Variants in LRP1B observed in about 807,000 individuals in gnomAD.
LRP1B encodes the protein LDL receptor related protein 1B, also known as low-density lipoprotein receptor-related protein 1B.
LRP1B carries 217 observed loss-of-function variants against 556.6 expected under a neutral mutation model. That is an observed-to-expected ratio of 0.39 (90% confidence interval 0.35 to 0.44). LRP1B has a LOEUF of 0.44. Ranked by LOEUF, LRP1B falls within the 20% of genes least tolerant of loss-of-function variation. LRP1B has a pLI of 1.00. For missense variants in LRP1B, 5,053 were observed against 5,620.8 expected, an observed-to-expected ratio of 0.90 and a Z score of 3.23; for synonymous variants, 2,047 against 1,865.8, an observed-to-expected ratio of 1.10 and a Z score of -2.50.
intron 3 of LRP1B, among the ~76,000 whole-genome samples, chr2:141,330,092 G>A (rs190045263): frequency 6.6e-6 from 1 of 152,130 alleles, no homozygotes; most frequent in East Asian, 1.9e-4. Context: ...TCAGGGTTGT[G>A]GGCATTATTA....
At chr2:140,849,631 C>T (rs2105116026) in intron 29 of LRP1B, among the ~76,000 whole-genome samples, 1 of 152,058 alleles carries the variant, frequency 6.6e-6, no homozygotes, top group Non-Finnish European at 1.5e-5. Flanking sequence ...CCTCCGCCTG[C>T]CAGGTTCAAG....
At chr2:141,790,903 T>C (rs995857750) in intron 2 of LRP1B, among the ~76,000 whole-genome samples, 2 of 151,994 alleles carry the variant, frequency 1.3e-5, no homozygotes, top group African/African-American at 4.8e-5. Flanking sequence ...GATTTAAGGC[T>C]ACTAATGTTA....
At chr2:140,798,243 T>G (rs1690385480) in intron 32 of LRP1B, among the ~76,000 whole-genome samples, 1 of 152,072 alleles carries the variant, frequency 6.6e-6, no homozygotes, top group South Asian at 2.1e-4. Context: ...GATAAATTGT[T>G]GAATCAGTAA....
chr2:142,065,560 A>G (rs1559051413), intron 1 of LRP1B, among the ~76,000 whole-genome samples: 1 of 151,392 alleles, frequency 6.6e-6, no homozygotes, highest in South Asian at 2.1e-4. Flanking sequence ...TTATTTTAAG[A>G]TCAGCTAATT....
chr2:140,965,787 G>A (rs892278218), intron 18 of LRP1B, among the ~76,000 whole-genome samples: 1 of 136,898 alleles, frequency 7.3e-6, no homozygotes, highest in Admixed American at 8.4e-5. Flanking sequence ...ATTCCCACCT[G>A]AGTGAGAACA....
chr2:141,794,191 C>A (rs1432521155), intron 2 of LRP1B, among the ~76,000 whole-genome samples: 1 of 151,852 alleles, frequency 6.6e-6, no homozygotes, highest in African/African-American at 2.4e-5. Flanking sequence ...TGGGTTTTGA[C>A]TTTGATAGAA....
intron 3 of LRP1B, among the ~76,000 whole-genome samples, chr2:141,378,710 G>T (rs1304833176): frequency 1.3e-5 from 2 of 152,142 alleles, no homozygotes; most frequent in Non-Finnish European, 2.9e-5. Flanking sequence ...TCATTATTTT[G>T]AATAGCAGAT....
intron 61 of LRP1B, among the ~76,000 whole-genome samples, chr2:140,457,122 T>C (rs925331910): frequency 1.3e-5 from 2 of 152,194 alleles, no homozygotes; most frequent in Non-Finnish European, 2.9e-5. Flanking sequence ...TTAAGCATAA[T>C]TCCTCCTACT....
At chr2:140,950,177 A>C in intron 20 of LRP1B, 58 bp downstream of exon 20, 1 of 1,233,318 alleles carries the variant, frequency 8.1e-7, no homozygotes, top group Non-Finnish European at 1.1e-6. Context: ...TAATACCCTA[A>C]GTATTATTAT....
chr2:140,735,167 T>C (rs993600041), intron 35 of LRP1B, among the ~76,000 whole-genome samples: 3 of 152,108 alleles, frequency 2.0e-5, no homozygotes, highest in African/African-American at 7.2e-5. Context: ...GGTTGGGCCA[T>C]CCACACGATG....
chr2:142,110,473 A>G (rs929314990), intron 1 of LRP1B, among the ~76,000 whole-genome samples: 1 of 152,138 alleles, frequency 6.6e-6, no homozygotes, highest in African/African-American at 2.4e-5. Context: ...GAGAGCAGTC[A>G]TGATTTGAGG....
chr2:140,903,279 T>C (rs1694155961), intron 22 of LRP1B, 114 bp from the exon 23 acceptor site: 17 of 1,229,448 alleles, frequency 1.4e-5, no homozygotes, highest in Non-Finnish European at 1.9e-5. Flanking sequence ...TACAAATGAA[T>C]ATAAGAAAGC....
chr2:141,641,662 T>G (rs1370218420), intron 2 of LRP1B, among the ~76,000 whole-genome samples: 1 of 152,148 alleles, frequency 6.6e-6, no homozygotes, highest in Non-Finnish European at 1.5e-5. Flanking sequence ...TTACATTCCA[T>G]AGACATTTGT....
chr2:140,761,532 C>G (rs1037470866), intron 35 of LRP1B, among the ~76,000 whole-genome samples: 1 of 152,262 alleles, frequency 6.6e-6, no homozygotes, highest in African/African-American at 2.4e-5. Context: ...TTTGTGAATG[C>G]CTTCTCCCAC....
chr2:140,259,750 C>T (rs1681850466), intron 86 of LRP1B, among the ~76,000 whole-genome samples: 1 of 151,782 alleles, frequency 6.6e-6, no homozygotes, highest in Non-Finnish European at 1.5e-5. Context: ...TGGAGAGAAA[C>T]AGACATATAA....
chr2:141,404,405 A>T (rs867699150), intron 3 of LRP1B, among the ~76,000 whole-genome samples: 5 of 152,214 alleles, frequency 3.3e-5, no homozygotes, highest in Non-Finnish European at 5.9e-5. Flanking sequence ...ATCTTAAAAA[A>T]GAAAGTAGCC....
At position 140,364,754 on chromosome 2, in the gene LRP1B, G is replaced by A. The variant is rs1165113583; in HGVS notation, c.11038C>T (p.Leu3680Phe). 1.2e-6 allele frequency: 2 copies of A among 1,609,722 alleles called. No individual in the cohort carries two copies. Among genetic ancestry groups the A allele is most frequent in the East Asian group, 2.2e-5 (1 of 44,760 alleles). Residue 3680 changes from leucine to phenylalanine, a missense_variant, in exon 72 of 91, where the codon CTT becomes TTT. Leu to Phe is a conservative substitution (Grantham distance 22). Around this residue, in one of 5 missense-constraint regions of LRP1B, gnomAD observed 599 missense variants for 648.4 expected, o/e 0.92. Transcript: ENST00000389484. ...GGNICRADEF[L>F]CNNSLCKLHF... Reference sequence around the variant, plus strand: ...AGTTTGCAGAGAGAATTATTGCAAAGGAACTCATCAGCTCTACATATATTT... The same window carrying A: ...AGTTTGCAGAGAGAATTATTGCAAAAGAACTCATCAGCTCTACATATATTT...
intron 6 of LRP1B, among the ~76,000 whole-genome samples, chr2:141,206,001 C>G (rs1682259816): frequency 6.6e-6 from 1 of 152,006 alleles, no homozygotes; most frequent in African/African-American, 2.4e-5. Context: ...TAGACTGGGC[C>G]TAATGAGGCA....
intron 1 of LRP1B, among the ~76,000 whole-genome samples, chr2:142,120,120 T>C (rs2105010915): frequency 6.6e-6 from 1 of 151,988 alleles, no homozygotes; most frequent in Admixed American, 6.5e-5. Flanking sequence ...GGTTTTTTTG[T>C]TTGTTTGTTT....
Sources: allele counts gnomAD v4.1 joint callset (sites outside exome capture counted in the v4.1 genomes callset), GRCh38; gene constraint gnomAD v4.1.1; regional missense constraint gnomAD v4.1.1; transcripts MANE v1.5; gene names NCBI Gene and HGNC (gene_info 2026-07-23, HGNC 2026-07-21).